ME3: variants seen among roughly 807,000 people sequenced by gnomAD.
ME3 encodes the protein NADP-dependent malic enzyme, mitochondrial.
Under a neutral mutation model 68.9 loss-of-function variants are expected in ME3, and 48 were observed. The observed-to-expected ratio is 0.70, with a 90% CI of 0.55 to 0.89. ME3 has a LOEUF of 0.89. ME3 is among the 40% of genes least tolerant of loss of function. ME3 has a pLI of 0.00. For synonymous variants in ME3, 320 were observed against 318.8 expected (o/e 1.00, Z -0.04); for missense variants, 675 against 797.4 (o/e 0.85, Z 1.85).
intron 4 of ME3, among the ~76,000 whole-genome samples, chr11:86,528,308 A>G (rs1465427184): frequency 2.6e-5 from 4 of 152,226 alleles, no homozygotes; most frequent in African/African-American, 2.4e-5. Context: ...AAAGCTAACT[A>G]TCCTAAGTAT....
chr11:86,499,151 A>G (rs1952556735), intron 5 of ME3, among the ~76,000 whole-genome samples: 1 of 152,126 alleles, frequency 6.6e-6, no homozygotes, highest in Non-Finnish European at 1.5e-5. Context: ...GGAGAAGGGC[A>G]TTTGATACAA....
At chr11:86,520,282 G>T (rs1267522296) in intron 4 of ME3, among the ~76,000 whole-genome samples, 2 of 152,138 alleles carry the variant, frequency 1.3e-5, no homozygotes, top group African/African-American at 4.8e-5. Flanking sequence ...AATGGATGGG[G>T]GTTCCTCAAT....
rs139288978 is a variant in ME3, at chr11:86,648,575, A to G, written c.183+23187T>C. Among the ~76,000 whole-genome samples, 731 of 152,056 alleles carry G rather than the reference A, an allele frequency of 4.8e-3. 11 individuals are homozygous for G. The highest frequency in any genetic ancestry group is 0.017 in the African/African-American group (707 of 41,508). On this transcript the variant is annotated intron_variant, in intron 2 of 14. Coordinates refer to ENST00000543262, the Ensembl canonical transcript of ME3. ...TTCTTTGGAAAGATTAACAAAACAG[A>G]TGTACTGCTAGAACGATTCTTCTCC...
chr11:86,623,602 T>G (rs551420453), intron 2 of ME3, among the ~76,000 whole-genome samples: 18 of 152,354 alleles, frequency 1.2e-4, no homozygotes, highest in Middle Eastern at 3.4e-3. Context: ...TAAGGTGTTA[T>G]GTAAGTTGTT....
chr11:86,448,083 C>T (rs990300943), intron 11 of ME3, 67 bp downstream of exon 11: 1 of 1,149,524 alleles, frequency 8.7e-7, no homozygotes, highest in Non-Finnish European at 1.3e-6. Context: ...AGCTGAGCCT[C>T]TGTCTCTCCA....
At chr11:86,515,717 A>C (rs1031986598) in intron 4 of ME3, among the ~76,000 whole-genome samples, 24 of 152,138 alleles carry the variant, frequency 1.6e-4, no homozygotes, top group African/African-American at 5.6e-4. Flanking sequence ...TTTACGGATG[A>C]TTGGGGTAGT....
At chr11:86,523,731 A>G (rs983467366) in intron 4 of ME3, among the ~76,000 whole-genome samples, 19 of 152,158 alleles carry the variant, frequency 1.2e-4, no homozygotes, top group Non-Finnish European at 1.9e-4. Context: ...AGTACATGGA[A>G]AAGCTGATGA....
At chr11:86,600,816 C>T (rs1960509878) in intron 2 of ME3, among the ~76,000 whole-genome samples, 1 of 151,792 alleles carries the variant, frequency 6.6e-6, no homozygotes, top group Non-Finnish European at 1.5e-5. Context: ...AACCACTCAA[C>T]TACATGGAAA....
chr11:86,491,400 GTGGC>G (rs1400171244), intron 6 of ME3, among the ~76,000 whole-genome samples: 5 of 152,222 alleles, frequency 3.3e-5, no homozygotes, highest in Non-Finnish European at 7.3e-5. Flanking sequence ...GAGGTCAATT[GTGGC>G]TGGGAAGGTC....
chr11:86,620,700 A>G (rs1297098587), intron 2 of ME3, among the ~76,000 whole-genome samples: 1 of 152,250 alleles, frequency 6.6e-6, no homozygotes, highest in Non-Finnish European at 1.5e-5. Context: ...GGATACCTTT[A>G]TGCCTTCAAG....
In ME3 at chr11:86,597,944, G is replaced by T. The variant is rs146655695; in HGVS notation, c.184-38121C>A. On this transcript the variant is annotated intron_variant, in intron 2 of 14. Transcript: ENST00000543262. ...AAATGTTTTTAACTGGCAATTGGTT[G>T]AAAGAGTTATCAGTAGGGAGGAGCC... 3.3e-5 allele frequency among the ~76,000 whole-genome samples: 5 copies of T among 152,198 alleles called. 1 individual carries two copies. The East Asian group carries it at 9.8e-4, about 30-fold the overall frequency.
At chr11:86,490,772 C>T (rs1055143005) in intron 6 of ME3, among the ~76,000 whole-genome samples, 13 of 152,134 alleles carry the variant, frequency 8.5e-5, no homozygotes, top group African/African-American at 2.2e-4. Context: ...TTAAAAGGGT[C>T]CATGGTGAGT....
chr11:86,534,186 G>A (rs1245480032), intron 4 of ME3, among the ~76,000 whole-genome samples: 1 of 151,644 alleles, frequency 6.6e-6, no homozygotes, highest in Admixed American at 6.6e-5. Context: ...GGGTGAGTCA[G>A]TGAGAGATGA....
At chr11:86,564,013 T>C (rs1029462606) in intron 2 of ME3, among the ~76,000 whole-genome samples, 4 of 152,196 alleles carry the variant, frequency 2.6e-5, no homozygotes, top group Non-Finnish European at 4.4e-5. Context: ...AGGAATAGCA[T>C]TGAATTTGTA....
At chr11:86,528,704 A>T (rs926124812) in intron 4 of ME3, among the ~76,000 whole-genome samples, 3 of 151,764 alleles carry the variant, frequency 2.0e-5, no homozygotes, top group Non-Finnish European at 4.4e-5. Context: ...TAAGAAACTC[A>T]CTCAAAACCG....
chr11:86,563,109 T>G (rs1016383345), intron 2 of ME3, among the ~76,000 whole-genome samples: 1 of 152,178 alleles, frequency 6.6e-6, no homozygotes, highest in Non-Finnish European at 1.5e-5. Context: ...TTTGCTATTG[T>G]GAATAGCACA....
At chr11:86,556,057 T>C (rs2139440570) in intron 4 of ME3, among the ~76,000 whole-genome samples, 1 of 152,136 alleles carries the variant, frequency 6.6e-6, no homozygotes, top group East Asian at 1.9e-4. Context: ...TGAGAGAAAA[T>C]GGAGTGCCAA....
intron 4 of ME3, among the ~76,000 whole-genome samples, chr11:86,555,648 A>G (rs935256598): frequency 2.0e-5 from 3 of 152,254 alleles, no homozygotes; most frequent in African/African-American, 7.2e-5. Flanking sequence ...CATTGGGAAC[A>G]CACTGTGACC....
chr11:86,624,853 T>C (rs1038824446), intron 2 of ME3, among the ~76,000 whole-genome samples: 5 of 152,154 alleles, frequency 3.3e-5, no homozygotes, highest in African/African-American at 4.8e-5. Flanking sequence ...TGTCAGGACA[T>C]TGACTTTACT....
Sources: gnomAD v4.1 joint callset for allele counts (sites outside exome capture counted in the v4.1 genomes callset) on GRCh38, gnomAD v4.1.1 for gene constraint, MANE v1.5 for transcripts, NCBI Gene and HGNC (gene_info 2026-07-23, HGNC 2026-07-21) for gene names.